DSCAML1: variants seen among roughly 807,000 people sequenced by gnomAD.
DSCAML1 encodes the protein DS cell adhesion molecule like 1, also known as cell adhesion molecule DSCAML1.
In DSCAML1, 38 loss-of-function variants were observed where a neutral mutation model predicts 200.5. The ratio of observed to expected loss-of-function variants is 0.19; its 90% CI spans 0.15 to 0.25. The LOEUF is 0.25. DSCAML1 is among the 10% of genes least tolerant of loss of function. The pLI is 1.00. For synonymous variants in DSCAML1, 1,215 were observed against 1,165.0 expected, an observed-to-expected ratio of 1.04 and a Z score of -0.87; for missense variants, 2,223 against 2,858.8, an observed-to-expected ratio of 0.78 and a Z score of 5.07.
At chr11:117,436,991 G>T in intron 26 of DSCAML1, 131 bp downstream of exon 26, 1 of 1,303,006 alleles carries the variant, frequency 7.7e-7, no homozygotes, top group Non-Finnish European at 1.0e-6. Flanking sequence ...CTGCAGGCCA[G>T]CATTTCCCCC....
intron 3 of DSCAML1, among the ~76,000 whole-genome samples, chr11:117,625,147 A>T (rs1282248714): frequency 6.6e-6 from 1 of 151,268 alleles, no homozygotes; most frequent in Non-Finnish European, 1.5e-5. Flanking sequence ...TACCTCTCCC[A>T]CCCCAGACAC....
chr11:117,795,866 G>A (rs1175525596), intron 1 of DSCAML1, among the ~76,000 whole-genome samples: 1 of 152,188 alleles, frequency 6.6e-6, no homozygotes, highest in Non-Finnish European at 1.5e-5. Flanking sequence ...TCGTCTTGGG[G>A]TTAAGAGTTG....
rs2052416622 is a variant in DSCAML1, at chr11:117,641,886, G to T, written c.512-109364C>A. On this transcript the variant is annotated intron_variant, in intron 3 of 32. Transcript: ENST00000651296. Reference sequence around the variant, plus strand: ...AGGCCCTTCATGGTGCTGAGAAGAGGTACTATTGAGTCCGTCTTACCCACG... The same window carrying T: ...AGGCCCTTCATGGTGCTGAGAAGAGTTACTATTGAGTCCGTCTTACCCACG... Among the ~76,000 whole-genome samples, 4 of 152,104 alleles carry T rather than the reference G, an allele frequency of 2.6e-5. No individual in the cohort carries two copies. In the South Asian group the frequency reaches 8.3e-4, roughly 32 times the overall value.
intron 3 of DSCAML1, among the ~76,000 whole-genome samples, chr11:117,625,829 C>G (rs1361376792): frequency 6.6e-6 from 1 of 152,208 alleles, no homozygotes; most frequent in Non-Finnish European, 1.5e-5. Flanking sequence ...GTGGGGCAAT[C>G]CTGCCCAAGG....
rs770118048 is a variant in DSCAML1 at position 117,465,109 on chromosome 11, C to T, written c.3098G>A (p.Ser1033Asn). The stretch of plus-strand genomic sequence containing the variant: ...CTCCACGATGCTGTACTGCCCGTTG[C>T]TGCCGGGGCTGTTCTCTCTGTAGCC... ...QIGYRENSPG[S>N]NGQYSIVEMK... The change falls in exon 17 of 33, where the codon AGC becomes AAC. Residue 1033 changes from serine (S) to asparagine (N), a missense_variant. By Grantham distance (46) the Ser-to-Asn change is conservative (BLOSUM62 1). Around this residue, in one of 7 missense-constraint regions of DSCAML1, gnomAD observed 438 missense variants for 629.7 expected, o/e 0.70. Transcript: ENST00000651296. 3 of 1,614,170 alleles carry T rather than the reference C, an allele frequency of 1.9e-6. No individual in the cohort carries two copies. The South Asian group carries it at 3.3e-5, about 18-fold the overall frequency.
intron 4 of DSCAML1, among the ~76,000 whole-genome samples, chr11:117,531,201 T>C (rs1285499398): frequency 6.6e-6 from 1 of 152,194 alleles, no homozygotes; most frequent in East Asian, 1.9e-4. Flanking sequence ...GGCATTCAAC[T>C]GACCCCTTCT....
chr11:117,448,144 C>T lies in DSCAML1; in HGVS notation c.3708+2405G>A, dbSNP rs1005286260. Among the ~76,000 whole-genome samples the T allele has an allele frequency of 9.8e-5, 15 of 152,290 alleles. No homozygotes were observed. In the East Asian group the frequency reaches 1.5e-3, roughly 16 times the overall value. The stretch of plus-strand genomic sequence containing the variant: ...GGGACGGGGACCAGGAGCTCTGTTC[C>T]GGAGCCCGGGAGAGGAGCCTGAAGC... On this transcript the variant is annotated intron_variant, in intron 20 of 32. Coordinates refer to ENST00000651296, the MANE Select transcript of DSCAML1 (RefSeq NM_020693.4).
Position 117,593,082 on chromosome 11 carries a change from C to G in DSCAML1, c.512-60560G>C, listed in dbSNP as rs191341368. Among the ~76,000 whole-genome samples the G allele has an allele frequency of 1.9e-3, 282 of 152,378 alleles. 2 individuals are homozygous for G. The highest frequency in any genetic ancestry group is 6.3e-3 in the African/African-American group (263 of 41,586). On this transcript the variant is annotated intron_variant, in intron 3 of 32. Coordinates refer to ENST00000651296, the MANE Select transcript of DSCAML1 (RefSeq NM_020693.4). ...TTCCTGGCACTTACGGGGCACTAAA[C>G]AAGAGGCTGTCCCTGTTCCTCACTA... is the stretch of plus-strand genomic sequence containing the variant.
rs147852881 is a variant in DSCAML1 at position 117,505,785 on chromosome 11, C to T, written c.1784-53G>A. 2.1e-4 allele frequency: 333 copies of T among 1,552,764 alleles called. 1 individual carries two copies. The African/African-American group carries it at 3.5e-3, about 16-fold the overall frequency. The stretch of plus-strand genomic sequence containing the variant: ...AGGACCCTGTGCATTCTCACCTGGC[C>T]GCCAACGCCGCCTCACCTGCCTTAC... On this transcript the variant is annotated intron_variant, in intron 8 of 32. Transcript: ENST00000651296. This position sits in a 1 kb window ranked among gnomAD's most constrained non-coding sequence, Gnocchi z 6.7.
At chr11:117,527,889 C>G (rs906430140) in intron 4 of DSCAML1, among the ~76,000 whole-genome samples, 2 of 152,122 alleles carry the variant, frequency 1.3e-5, no homozygotes, top group Non-Finnish European at 2.9e-5. Context: ...AGAAGGAGCC[C>G]GGGTTGGGAA....
intron 1 of DSCAML1, among the ~76,000 whole-genome samples, chr11:117,809,273 C>T (rs142216592): frequency 6.6e-5 from 10 of 152,360 alleles, no homozygotes; most frequent in African/African-American, 9.6e-5. Context: ...CCAGCTGCCG[C>T]GTCTGCACTC....
intron 3 of DSCAML1, among the ~76,000 whole-genome samples, chr11:117,678,721 T>G (rs573554775): frequency 6.8e-6 from 1 of 146,896 alleles, no homozygotes; most frequent in South Asian, 2.1e-4. Flanking sequence ...CCAGCACAGG[T>G]TGGCGTCTTT....
intron 3 of DSCAML1, among the ~76,000 whole-genome samples, chr11:117,648,302 G>T (rs1357939481): frequency 1.3e-5 from 2 of 152,188 alleles, no homozygotes; most frequent in African/African-American, 2.4e-5. Context: ...GTGCTCCTGG[G>T]TCTCCCCAGC....
At chr11:117,770,863 A>C (rs1439299946) in intron 3 of DSCAML1, among the ~76,000 whole-genome samples, 3 of 152,212 alleles carry the variant, frequency 2.0e-5, no homozygotes, top group Admixed American at 2.0e-4. Context: ...AAAGATGCAT[A>C]GGCTTCAGAC....
rs763938111 is a variant in DSCAML1 at position 117,431,615 on chromosome 11, C to T, written c.5293G>A (p.Asp1765Asn). ...TGCTGGGAGCCCACGGTGCGCCAGTCGGAGGTGAGGGTGCGGGCAGGTGTG... is the reference window on the plus strand; with the variant it reads ...TGCTGGGAGCCCACGGTGCGCCAGTTGGAGGTGAGGGTGCGGGCAGGTGTG... Reference protein sequence around the residue: ...ASTPARTLTSDWRTVGSQHGV... With the variant: ...ASTPARTLTSNWRTVGSQHGV... Residue 1765 changes from aspartate (D) to asparagine (N), a missense_variant, in exon 31 of 33, where the codon GAC becomes AAC. Physicochemically the swap from Asp to Asn is conservative, Grantham distance 23. Around this residue, in one of 7 missense-constraint regions of DSCAML1, gnomAD observed 614 missense variants for 739.1 expected, o/e 0.83. Transcript: ENST00000651296. 9 of 1,612,966 alleles carry T rather than the reference C, an allele frequency of 5.6e-6. No homozygotes were observed. The highest frequency in any genetic ancestry group is 1.7e-4 in the Middle Eastern group (1 of 6,054).
intron 3 of DSCAML1, among the ~76,000 whole-genome samples, chr11:117,623,463 G>A (rs1444155913): frequency 3.9e-5 from 6 of 152,170 alleles, no homozygotes; most frequent in South Asian, 2.1e-4. Flanking sequence ...TGATCCATCC[G>A]CCTCGGCTGC....
Position 117,552,213 on chromosome 11 carries a change from G to T in DSCAML1, c.512-19691C>A, listed in dbSNP as rs779787284. 8.5e-4 allele frequency among the ~76,000 whole-genome samples: 129 copies of T among 152,106 alleles called. 2 individuals are homozygous for T. Among genetic ancestry groups the T allele is most frequent in the Non-Finnish European group, 2.6e-4 (18 of 68,018 alleles). ...TGGGCTGTGGGGAATGTCAGTCAGT[G>T]GAGCAGCCCTCCCGCCTTGACAATT... On this transcript the variant is annotated intron_variant, in intron 3 of 32. Coordinates refer to ENST00000651296, the MANE Select transcript of DSCAML1 (RefSeq NM_020693.4).
chr11:117,792,329 A>G (rs1029605402), intron 1 of DSCAML1, among the ~76,000 whole-genome samples: 1 of 152,130 alleles, frequency 6.6e-6, no homozygotes, highest in Non-Finnish European at 1.5e-5. Flanking sequence ...GGAAATGCAG[A>G]CAAAACCATT....
intron 1 of DSCAML1, among the ~76,000 whole-genome samples, chr11:117,782,869 T>C (rs921810023): frequency 6.6e-6 from 1 of 152,006 alleles, no homozygotes; most frequent in African/African-American, 2.4e-5. Flanking sequence ...CAGATGAGGA[T>C]ACTAAGGCAC....
Sources: allele counts gnomAD v4.1 joint callset (sites outside exome capture counted in the v4.1 genomes callset), GRCh38; gene constraint gnomAD v4.1.1; regional missense constraint gnomAD v4.1.1; non-coding constraint Gnocchi (gnomAD v3.1); transcripts MANE v1.5; gene names NCBI Gene and HGNC (gene_info 2026-07-23, HGNC 2026-07-21).